PIK3C2G: variants seen among roughly 807,000 people sequenced by gnomAD.
PIK3C2G encodes phosphatidylinositol-4-phosphate 3-kinase catalytic subunit type 2 gamma, also known as phosphatidylinositol 3-kinase C2 domain-containing subunit gamma.
Under a neutral mutation model 181.1 loss-of-function variants are expected in PIK3C2G, and 168 were observed. The observed-to-expected ratio is 0.93, with a 90% CI of 0.82 to 1.05. The LOEUF is 1.05. Among genes scored for constraint, PIK3C2G ranks in the 50% least tolerant of loss-of-function variants. PIK3C2G has a pLI of 0.00. For missense variants in PIK3C2G, 1,869 were observed against 1,732.8 expected (o/e 1.08, Z -1.40); for synonymous variants, 573 against 592.2 (o/e 0.97, Z 0.47).
rs1486424947 is a variant in PIK3C2G, at chr12:18,563,435, T to C, written c.3839T>C (p.Phe1280Ser). The C allele has an allele frequency of 6.2e-7, 1 of 1,613,756 alleles. No individual in the cohort carries two copies. Among genetic ancestry groups the C allele is most frequent in the East Asian group, 2.2e-5 (1 of 44,862 alleles). The change falls in exon 28 of 33, where the codon TTT becomes TCT. Residue 1280 changes from phenylalanine to serine, a missense_variant. Transcript: ENST00000538779. ...NNETSLTEKS[F>S]EQFSKLHSQL... ...GAAACAAGCCTGACAGAAAAATCATTTGAGCAGTTTTCAAAACTTCACAGC... is the reference window on the plus strand; with the variant it reads ...GAAACAAGCCTGACAGAAAAATCATCTGAGCAGTTTTCAAAACTTCACAGC...
At chr12:18,301,952 T>C (rs1177969668) in intron 5 of PIK3C2G, among the ~76,000 whole-genome samples, 1 of 152,222 alleles carries the variant, frequency 6.6e-6, no homozygotes, top group Non-Finnish European at 1.5e-5. Flanking sequence ...CAGTGATTTC[T>C]TGTGATTCCT....
chr12:18,443,118 G>C (rs1428514946), intron 18 of PIK3C2G, among the ~76,000 whole-genome samples: 2 of 152,082 alleles, frequency 1.3e-5, no homozygotes, highest in Non-Finnish European at 1.5e-5. Context: ...TGATCCACCT[G>C]CCTTGGCCTC....
rs939119174 is a variant in PIK3C2G at position 18,563,321 on chromosome 12, G to A, written c.3781-56G>A. 54 of 1,529,584 alleles carry A rather than the reference G, an allele frequency of 3.5e-5. No individual in the cohort carries two copies. In the East Asian group the frequency reaches 8.8e-4, roughly 25 times the overall value. The allele number at this position is 1,529,584 out of a possible 1,614,324, so 94.8% of individuals were successfully genotyped here. The stretch of plus-strand genomic sequence containing the variant: ...GGTTTACATAAAATCGGGTTTTAGA[G>A]TGTATCACAGGCTGATATTGCCATC... On this transcript the variant is annotated intron_variant, in intron 27 of 32. Coordinates refer to ENST00000538779, the MANE Select transcript of PIK3C2G (RefSeq NM_001288772.2).
chr12:18,527,228 G>C (rs1162326319), intron 24 of PIK3C2G, among the ~76,000 whole-genome samples: 4 of 152,108 alleles, frequency 2.6e-5, no homozygotes, highest in African/African-American at 9.7e-5. Flanking sequence ...TCATAGCGTT[G>C]ACTCTAAATT....
the PIK3C2G span, among the ~76,000 whole-genome samples, chr12:18,686,485 T>C: frequency 1.3e-5 from 2 of 151,400 alleles, no homozygotes; most frequent in Admixed American, 1.3e-4. Context: ...CATGTTTAAA[T>C]TGTGTTTTCT....
intron 1 of PIK3C2G, among the ~76,000 whole-genome samples, chr12:18,279,356 A>C (rs1565546747): frequency 6.6e-6 from 1 of 152,048 alleles, no homozygotes; most frequent in Non-Finnish European, 1.5e-5. Flanking sequence ...AGCACAGAGT[A>C]GGTGCTCAAA....
intron 5 of PIK3C2G, among the ~76,000 whole-genome samples, chr12:18,302,518 G>T (rs1218673455): frequency 6.6e-6 from 1 of 152,150 alleles, no homozygotes; most frequent in Non-Finnish European, 1.5e-5. Flanking sequence ...TGGATAAGGT[G>T]CTTGGGCACT....
intron 15 of PIK3C2G, among the ~76,000 whole-genome samples, chr12:18,397,329 T>C (rs1943957051): frequency 6.6e-6 from 1 of 151,962 alleles, no homozygotes; most frequent in Non-Finnish European, 1.5e-5. Context: ...TTTAAAACTA[T>C]TCATGAAAAG....
the PIK3C2G span, among the ~76,000 whole-genome samples, chr12:18,679,520 A>G: frequency 6.6e-6 from 1 of 152,108 alleles, no homozygotes; most frequent in African/African-American, 2.4e-5. Context: ...CTAGATTAAT[A>G]ACCCTGGTTC....
At chr12:18,588,877 A>G (rs1592656973) in intron 29 of PIK3C2G, among the ~76,000 whole-genome samples, 1 of 152,110 alleles carries the variant, frequency 6.6e-6, no homozygotes, top group African/African-American at 2.4e-5. Flanking sequence ...TGAAGAAAAT[A>G]TGGCACATAT....
At chr12:18,306,953 T>C (rs1950445485) in intron 5 of PIK3C2G, among the ~76,000 whole-genome samples, 1 of 151,566 alleles carries the variant, frequency 6.6e-6, no homozygotes, top group Non-Finnish European at 1.5e-5. Flanking sequence ...TTTAGCTTAA[T>C]TCAAATTATA....
At chr12:18,305,468 T>C (rs184514187) in intron 5 of PIK3C2G, among the ~76,000 whole-genome samples, 187 of 152,258 alleles carry the variant, frequency 1.2e-3, no homozygotes, top group African/African-American at 4.4e-3. Flanking sequence ...TAATTTAATA[T>C]TATTGTAGAT....
intron 29 of PIK3C2G, among the ~76,000 whole-genome samples, chr12:18,574,276 TGAA>T (rs1946122797): frequency 6.6e-6 from 1 of 152,146 alleles, no homozygotes; most frequent in Admixed American, 6.5e-5. Context: ...GATGTAAGAG[TGAA>T]GAACAGTTAT....
At chr12:18,484,410 T>C (rs141918434) in intron 18 of PIK3C2G, among the ~76,000 whole-genome samples, 3 of 152,294 alleles carry the variant, frequency 2.0e-5, no homozygotes, top group African/African-American at 7.2e-5. Context: ...TATTTAAGTG[T>C]TCTAAAAATA....
At chr12:18,430,448 G>T (rs574419836) in intron 18 of PIK3C2G, among the ~76,000 whole-genome samples, 27 of 152,300 alleles carry the variant, frequency 1.8e-4, no homozygotes, top group African/African-American at 5.1e-4. Flanking sequence ...GCTCCCATTT[G>T]CAAGCTCTAT....
chr12:18,296,713 CATTCTT>C, intron 5 of PIK3C2G, among the ~76,000 whole-genome samples: 1 of 151,996 alleles, frequency 6.6e-6, no homozygotes, highest in East Asian at 1.9e-4. Context: ...CCGACTCACT[CATTCTT>C]ATTCTCACTT....
At chr12:18,480,503 T>G (rs2136017005) in intron 18 of PIK3C2G, among the ~76,000 whole-genome samples, 1 of 152,236 alleles carries the variant, frequency 6.6e-6, no homozygotes. Flanking sequence ...TGTATTTACA[T>G]GTAGCCTTGA....
At chr12:18,350,808 C>A (rs991622673) in intron 11 of PIK3C2G, among the ~76,000 whole-genome samples, 3 of 152,086 alleles carry the variant, frequency 2.0e-5, no homozygotes, top group Non-Finnish European at 2.9e-5. Context: ...ATATTCAATT[C>A]ACCAGAAAGA....
intron 25 of PIK3C2G, among the ~76,000 whole-genome samples, chr12:18,542,991 A>T (rs957937296): frequency 1.3e-5 from 2 of 151,960 alleles, no homozygotes; most frequent in Non-Finnish European, 2.9e-5. Flanking sequence ...GGTTGAACTA[A>T]TTTATACTCC....
Sources: allele counts gnomAD v4.1 joint callset (sites outside exome capture counted in the v4.1 genomes callset), GRCh38; gene constraint gnomAD v4.1.1; transcripts MANE v1.5; gene names NCBI Gene and HGNC (gene_info 2026-07-23, HGNC 2026-07-21).